The following STK10 variants were observed in gnomAD, a reference collection of about 807,000 sequenced individuals.
The protein encoded by STK10 is serine/threonine-protein kinase 10.
A neutral mutation model predicts 113.8 loss-of-function variants in STK10; 78 were observed. The observed-to-expected ratio is 0.69, with a 90% confidence interval of 0.57 to 0.83. The LOEUF is 0.83. Ranked by LOEUF, STK10 falls within the 40% of genes least tolerant of loss-of-function variation. The pLI, the probability that STK10 is intolerant of heterozygous loss-of-function variation, is 0.00. For missense variants in STK10, 1,109 were observed against 1,280.1 expected, an observed-to-expected ratio of 0.87 and a Z score of 2.04; for synonymous variants, 465 against 494.7, an observed-to-expected ratio of 0.94 and a Z score of 0.80.
At chr5:172,170,905 G>C in intron 1 of STK10, among the ~76,000 whole-genome samples, 1 of 152,208 alleles carries the variant, frequency 6.6e-6, no homozygotes, top group East Asian at 1.9e-4. Flanking sequence ...ATGCGGAGTT[G>C]CAGAGGGGAG....
intron 7 of STK10, 111 bp downstream of exon 7, chr5:172,105,545 C>T: frequency 8.9e-7 from 1 of 1,126,772 alleles, no homozygotes; most frequent in Non-Finnish European, 1.3e-6. Flanking sequence ...GGACAAACAG[C>T]TGTCCATGCT....
chr5:172,106,366 T>C (rs1382762121), intron 6 of STK10, among the ~76,000 whole-genome samples: 1 of 123,566 alleles, frequency 8.1e-6, no homozygotes, highest in Non-Finnish European at 1.6e-5. Context: ...TGCACCACTG[T>C]ACTCCAGCCT....
chr5:172,121,240 A>G (rs1561816058), intron 3 of STK10, among the ~76,000 whole-genome samples: 1 of 151,942 alleles, frequency 6.6e-6, no homozygotes, highest in Non-Finnish European at 1.5e-5. Flanking sequence ...CATGTTGGCC[A>G]AGCTGATCTT....
intron 1 of STK10, among the ~76,000 whole-genome samples, chr5:172,176,476 C>T (rs939284820): frequency 2.6e-5 from 4 of 152,176 alleles, no homozygotes; most frequent in Non-Finnish European, 4.4e-5. Context: ...CCACCTGGTT[C>T]GGTCACCAGG....
At chr5:172,096,708 T>A (rs1247240234) in intron 7 of STK10, 148 bp from the exon 8 acceptor site, 1 of 1,099,788 alleles carries the variant, frequency 9.1e-7, no homozygotes. Flanking sequence ...AGAGACAGCC[T>A]GGAAAGTCCC....
chr5:172,165,052 C>T (rs529904385), intron 1 of STK10, among the ~76,000 whole-genome samples: 134 of 152,236 alleles, frequency 8.8e-4, no homozygotes, highest in Non-Finnish European at 1.6e-3. Flanking sequence ...GGATAACCCT[C>T]CCAGCCGGGG....
intron 12 of STK10, among the ~76,000 whole-genome samples, chr5:172,078,097 T>A (rs749107459): frequency 2.0e-5 from 3 of 152,218 alleles, no homozygotes; most frequent in Non-Finnish European, 4.4e-5. Flanking sequence ...TTGGAATTCC[T>A]ACTTCCTCAC....
At chr5:172,174,521 TC>T (rs1770719549) in intron 1 of STK10, among the ~76,000 whole-genome samples, 1 of 152,050 alleles carries the variant, frequency 6.6e-6, no homozygotes, top group Admixed American at 6.6e-5. Flanking sequence ...CGGGCCCTGT[TC>T]CAAATGCAGG....
chr5:172,090,879 G>A (rs753432582), intron 9 of STK10, among the ~76,000 whole-genome samples: 13 of 138,410 alleles, frequency 9.4e-5, no homozygotes, highest in Non-Finnish European at 1.1e-4. Context: ...AGTTTGCAGA[G>A]AGCTTAGATC....
chr5:172,146,392 G>T (rs1169599626), intron 2 of STK10, among the ~76,000 whole-genome samples: 3 of 152,160 alleles, frequency 2.0e-5, no homozygotes, highest in South Asian at 2.1e-4. Flanking sequence ...ACTGCTAAAG[G>T]TTCCACCAGA....
chr5:172,106,580 C>T (rs781596075), intron 6 of STK10, 40 bp downstream of exon 6: 5 of 1,584,332 alleles, frequency 3.2e-6, no homozygotes, highest in South Asian at 2.3e-5. Flanking sequence ...CTAATCCCGG[C>T]GCAGGCACCC....
chr5:172,112,268 G>A (rs72841790), intron 4 of STK10, among the ~76,000 whole-genome samples: 18,881 of 152,074 alleles, frequency 0.12, 1,172 homozygotes, highest in Middle Eastern at 0.14. Flanking sequence ...TATCTTTAAA[G>A]GAATAATATA....
At chr5:172,163,602 A>G (rs1201198578) in intron 1 of STK10, among the ~76,000 whole-genome samples, 1 of 152,186 alleles carries the variant, frequency 6.6e-6, no homozygotes, top group Non-Finnish European at 1.5e-5. Context: ...GAGCTGTCAC[A>G]GTGGCCTCCT....
chr5:172,091,023 C>A (rs187144845), intron 9 of STK10, among the ~76,000 whole-genome samples: 69 of 149,828 alleles, frequency 4.6e-4, no homozygotes, highest in African/African-American at 1.7e-3. Flanking sequence ...GGGCCAGCCT[C>A]TTGTCCTGTC....
At chr5:172,152,766 T>TTAGATG (rs1770264540) in intron 2 of STK10, among the ~76,000 whole-genome samples, 2 of 152,212 alleles carry the variant, frequency 1.3e-5, no homozygotes, top group South Asian at 4.1e-4. Context: ...GATCAAGGAC[T>TTAGATG]TCTGATGAAA....
chr5:172,061,488 G>C, intron 13 of STK10: 1 of 516,258 alleles, frequency 1.9e-6, no homozygotes, highest in Non-Finnish European at 3.2e-6. Context: ...GTCTCGGTCT[G>C]TCACCAGAGC....
intron 1 of STK10, among the ~76,000 whole-genome samples, chr5:172,157,647 G>A: frequency 6.6e-6 from 1 of 152,128 alleles, no homozygotes. Context: ...CTGAAGTGCA[G>A]TGGTGTGATC....
chr5:172,165,863 G>A (rs1426241190), intron 1 of STK10, among the ~76,000 whole-genome samples: 2 of 151,114 alleles, frequency 1.3e-5, no homozygotes, highest in African/African-American at 2.4e-5. Flanking sequence ...GTGCGATCTT[G>A]GCTCACTGCA....
At position 172,083,032 on chromosome 5, in the gene STK10, G is replaced by C; in HGVS notation, c.1738C>G (p.Gln580Glu). The C allele has an allele frequency of 6.2e-7, 1 of 1,614,132 alleles. No individual in the cohort carries two copies. The highest frequency in any genetic ancestry group is 8.5e-7 in the Non-Finnish European group (1 of 1,180,036). Reference protein sequence around the residue: ...RLLQKEEHRNQTQLSNKHELQ... With the variant: ...RLLQKEEHRNETQLSNKHELQ... The stretch of plus-strand genomic sequence containing the variant: ...TCATGCTTGTTACTCAGCTGGGTCT[G>C]GTTCCGATGCTCTTCTTTCTGGAGC... The change falls in exon 11 of 19, where the codon CAG becomes GAG. Residue 580 changes from glutamine (Q) to glutamate (E), a missense_variant. This residue lies in a region of STK10 where 885 missense variants were observed against 991.1 expected (regional missense o/e 0.89). Coordinates refer to ENST00000176763, the MANE Select transcript of STK10 (RefSeq NM_005990.4).
Sources: gnomAD v4.1 joint callset for allele counts (sites outside exome capture counted in the v4.1 genomes callset) on GRCh38, gnomAD v4.1.1 for gene constraint, gnomAD v4.1.1 regional missense constraint, MANE v1.5 for transcripts, NCBI Gene and HGNC (gene_info 2026-07-23, HGNC 2026-07-21) for gene names.